PTCD2: variants seen among roughly 807,000 people sequenced by gnomAD.
PTCD2 encodes pentatricopeptide repeat-containing protein 2, mitochondrial.
In PTCD2, 31 loss-of-function variants were observed where a neutral mutation model predicts 42.6. The ratio of observed to expected loss-of-function variants is 0.73; its 90% CI spans 0.55 to 0.98. The LOEUF (loss-of-function observed/expected upper bound fraction) is 0.98, where lower values mean the gene tolerates loss of function less well. Among genes scored for constraint, PTCD2 ranks in the 50% least tolerant of loss-of-function variants. The probability of loss-of-function intolerance (pLI) is 0.00; values close to 1 mark genes in which losing one functional copy is unlikely to be tolerated. For missense variants in PTCD2, 476 were observed against 454.8 expected (o/e 1.05, Z -0.42); for synonymous variants, 183 against 170.9 (o/e 1.07, Z -0.55).
At chr5:72,346,382 A>C (rs1417142713) in intron 8 of PTCD2, among the ~76,000 whole-genome samples, 2 of 152,220 alleles carry the variant, frequency 1.3e-5, no homozygotes, top group Middle Eastern at 3.2e-3. Flanking sequence ...TAAGGCATTA[A>C]TGGTGAGGCA....
chr5:72,357,348 C>G (rs1752925610), intron 9 of PTCD2, among the ~76,000 whole-genome samples: 1 of 152,176 alleles, frequency 6.6e-6, no homozygotes, highest in Admixed American at 6.5e-5. Flanking sequence ...TCAGTGTAAA[C>G]TCCAAAATAT....
chr5:72,358,331 C>A lies in PTCD2; in HGVS notation c.1071C>A (p.Thr357=). 1 of 1,614,012 alleles carries A rather than the reference C, an allele frequency of 6.2e-7. No homozygotes were observed. Among genetic ancestry groups the A allele is most frequent in the Non-Finnish European group, 8.5e-7 (1 of 1,179,976 alleles). Residue 357 remains threonine, a synonymous_variant, in exon 10 of 10, where the codon ACC becomes ACA. Transcript: ENST00000380639. ...TDSLDAVLCH[T]PRDRKSHTLL... is the part of the protein sequence containing the mutation. ...CTTTGGATGCTGTGCTCTGCCACAC[C>A]CCCAGGGACAGGAAATCTCACACGT...
intron 4 of PTCD2, among the ~76,000 whole-genome samples, chr5:72,331,923 C>A (rs1751460428): frequency 6.6e-6 from 1 of 152,100 alleles, no homozygotes; most frequent in Non-Finnish European, 1.5e-5. Flanking sequence ...TTATTTGTTT[C>A]TCACAATAGC....
intron 2 of PTCD2, among the ~76,000 whole-genome samples, chr5:72,326,401 C>T (rs760312697): frequency 1.5e-4 from 23 of 152,200 alleles, no homozygotes; most frequent in Non-Finnish European, 2.8e-4. Flanking sequence ...GGGCCTGGCC[C>T]TGTGCCCATG....
intron 3 of PTCD2, among the ~76,000 whole-genome samples, chr5:72,326,970 T>C (rs1464769354): frequency 6.6e-6 from 1 of 152,184 alleles, no homozygotes; most frequent in Non-Finnish European, 1.5e-5. Flanking sequence ...AAGCAGATAT[T>C]TTATGTCTAA....
Position 72,326,676 on chromosome 5 carries a change from G to T in PTCD2, c.285G>T (p.Leu95Phe). 6.2e-7 allele frequency: 1 copy of T among 1,614,144 alleles called. No homozygotes were observed. The highest frequency in any genetic ancestry group is 8.5e-7 in the Non-Finnish European group (1 of 1,179,978). The stretch of plus-strand genomic sequence containing the variant: ...ACAAGCTCATCTTGAAGGGGGAGTT[G>T]ATAACCTTACTACATTTGTGTGAGT... ...TQNKLILKGELITLLHLCESR... is the reference protein window; with the variant it reads ...TQNKLILKGEFITLLHLCESR... Residue 95 changes from leucine to phenylalanine, a missense_variant, in exon 3 of 10, where the codon TTG becomes TTT. Leu to Phe is a conservative substitution (Grantham distance 22). Coordinates refer to ENST00000380639, the MANE Select transcript of PTCD2 (RefSeq NM_024754.5).
At chr5:72,329,936 CTTT>C (rs71614471) in intron 3 of PTCD2, among the ~76,000 whole-genome samples, 2 of 143,286 alleles carry the variant, frequency 1.4e-5, no homozygotes, top group East Asian at 2.0e-4. Context: ...TTTATAACTT[CTTT>C]TTTTTTTTTT....
intron 7 of PTCD2, among the ~76,000 whole-genome samples, chr5:72,342,071 A>G (rs1309141765): frequency 1.3e-5 from 2 of 151,812 alleles, no homozygotes; most frequent in Non-Finnish European, 2.9e-5. Flanking sequence ...AATAAAATAA[A>G]TAAATAAAAA....
intron 4 of PTCD2, among the ~76,000 whole-genome samples, chr5:72,334,663 G>C (rs1233023166): frequency 1.3e-5 from 2 of 151,758 alleles, no homozygotes; most frequent in African/African-American, 4.8e-5. Flanking sequence ...GCAATTCTCT[G>C]CCTCAGCCTC....
intron 9 of PTCD2, 123 bp from the exon 10 acceptor site, chr5:72,358,080 T>C (rs1752966666): frequency 4.6e-6 from 4 of 861,126 alleles, no homozygotes; most frequent in Non-Finnish European, 7.3e-6. Flanking sequence ...GATTAAAGCA[T>C]GGGCCACCTC....
intron 9 of PTCD2, 55 bp from the exon 10 acceptor site, chr5:72,358,148 A>T: frequency 6.9e-7 from 1 of 1,441,696 alleles, no homozygotes; most frequent in South Asian, 1.2e-5. Flanking sequence ...GGTTATAGTA[A>T]GAATAAGGAA....
chr5:72,331,398 C>T, intron 4 of PTCD2, 23 bp downstream of exon 4: 1 of 1,474,468 alleles, frequency 6.8e-7, no homozygotes, highest in South Asian at 1.1e-5. Context: ...TAATTGTTTT[C>T]TCTGCCAATG....
chr5:72,356,030 A>G (rs1451914157), intron 9 of PTCD2, among the ~76,000 whole-genome samples: 1 of 152,234 alleles, frequency 6.6e-6, no homozygotes. Flanking sequence ...GAAAATGACT[A>G]ACTGGATATG....
At chr5:72,325,712 A>T (rs1751100429) in intron 2 of PTCD2, among the ~76,000 whole-genome samples, 1 of 152,342 alleles carries the variant, frequency 6.6e-6, no homozygotes, top group African/African-American at 2.4e-5. Context: ...TCCTTTCAGC[A>T]GCATTCCTTC....
intron 8 of PTCD2, among the ~76,000 whole-genome samples, chr5:72,346,155 A>G (rs1752346346): frequency 6.6e-6 from 1 of 152,262 alleles, no homozygotes; most frequent in Non-Finnish European, 1.5e-5. Context: ...GGAACCAGAA[A>G]GATGGAGAGA....
At chr5:72,336,918 A>G (rs1453614581) in intron 6 of PTCD2, among the ~76,000 whole-genome samples, 1 of 152,140 alleles carries the variant, frequency 6.6e-6, no homozygotes, top group East Asian at 1.9e-4. Flanking sequence ...AGGAACATGA[A>G]GCGAAGTAGA....
chr5:72,330,945 T>G (rs904000122), intron 3 of PTCD2, among the ~76,000 whole-genome samples: 3 of 152,236 alleles, frequency 2.0e-5, no homozygotes, highest in Admixed American at 6.5e-5. Context: ...TCCTGCTGTT[T>G]CTTAAGGTGT....
intron 9 of PTCD2, among the ~76,000 whole-genome samples, chr5:72,353,586 G>T (rs1431822738): frequency 3.9e-5 from 6 of 152,174 alleles, no homozygotes; most frequent in Non-Finnish European, 7.3e-5. Flanking sequence ...AGTAAGAGTT[G>T]CTAGGTCTAG....
intron 2 of PTCD2, among the ~76,000 whole-genome samples, chr5:72,325,123 A>G (rs1751070909): frequency 6.6e-6 from 1 of 152,128 alleles, no homozygotes; most frequent in Admixed American, 6.5e-5. Flanking sequence ...GGGTTTCACC[A>G]TGGTGGCGAG....
Sources: gnomAD v4.1 joint callset for allele counts (sites outside exome capture counted in the v4.1 genomes callset) on GRCh38, gnomAD v4.1.1 for gene constraint, MANE v1.5 for transcripts, NCBI Gene and HGNC (gene_info 2026-07-23, HGNC 2026-07-21) for gene names.